SHANK2: variants seen among roughly 807,000 people sequenced by gnomAD.
The protein encoded by SHANK2 is SH3 and multiple ankyrin repeat domains 2.
A neutral mutation model predicts 133.7 loss-of-function variants in SHANK2; 43 were observed. The observed-to-expected ratio is 0.32, with a 90% CI of 0.25 to 0.41. SHANK2 has a LOEUF of 0.41. SHANK2 is among the 10% of genes least tolerant of loss of function. The pLI, the probability that SHANK2 is intolerant of heterozygous loss-of-function variation, is 1.00. For synonymous variants in SHANK2, 1,017 were observed against 952.8 expected (o/e 1.07, Z -1.24); for missense variants, 1,994 against 2,235.8 (o/e 0.89, Z 2.18).
At chr11:70,854,184 C>T (rs1253062178) in intron 11 of SHANK2, among the ~76,000 whole-genome samples, 4 of 152,204 alleles carry the variant, frequency 2.6e-5, no homozygotes, top group South Asian at 2.1e-4. Context: ...ACGAAGACCA[C>T]ATATTACCTC....
chr11:70,787,633 C>A (rs1947699727), intron 14 of SHANK2, among the ~76,000 whole-genome samples: 1 of 152,016 alleles, frequency 6.6e-6, no homozygotes, highest in Non-Finnish European at 1.5e-5. Flanking sequence ...CCACGATCAT[C>A]ACCATGACCG....
intron 17 of SHANK2, among the ~76,000 whole-genome samples, chr11:70,513,405 C>G (rs1554969565): frequency 6.6e-6 from 1 of 151,992 alleles, no homozygotes; most frequent in South Asian, 2.1e-4. Flanking sequence ...GAAATTTGAG[C>G]TGCTGCCACT....
intron 8 of SHANK2, among the ~76,000 whole-genome samples, chr11:71,076,902 TC>T (rs1951227838): frequency 6.6e-6 from 1 of 152,134 alleles, no homozygotes; most frequent in South Asian, 2.1e-4. Flanking sequence ...CTTTCCTTCT[TC>T]CAGAGTGGGG....
At chr11:70,754,597 TG>T (rs1451944247) in intron 14 of SHANK2, among the ~76,000 whole-genome samples, 1 of 152,206 alleles carries the variant, frequency 6.6e-6, no homozygotes. Flanking sequence ...GAGCCCAGCC[TG>T]GAACTTGTGG....
chr11:71,230,680 A>T (rs184883286), intron 1 of SHANK2, among the ~76,000 whole-genome samples: 1 of 152,342 alleles, frequency 6.6e-6, no homozygotes, highest in East Asian at 1.9e-4. Context: ...AAGATTTATT[A>T]TACAGTATAG....
intron 11 of SHANK2, among the ~76,000 whole-genome samples, chr11:70,846,068 C>T (rs1169495039): frequency 1.3e-5 from 2 of 152,060 alleles, no homozygotes; most frequent in East Asian, 1.9e-4. Flanking sequence ...CCTGGGAAAG[C>T]GGAAGGGCAG....
intron 11 of SHANK2, among the ~76,000 whole-genome samples, chr11:70,829,403 A>T (rs1390858464): frequency 6.6e-6 from 1 of 152,118 alleles, no homozygotes; most frequent in African/African-American, 2.4e-5. Flanking sequence ...CAGGGGTTCC[A>T]TGAACCCTGG....
intron 17 of SHANK2, among the ~76,000 whole-genome samples, chr11:70,512,913 T>C (rs1554969497): frequency 1.3e-5 from 2 of 152,214 alleles, no homozygotes; most frequent in Admixed American, 6.5e-5. Context: ...GTACACTTAA[T>C]TGGTAGTTTG....
intron 11 of SHANK2, among the ~76,000 whole-genome samples, chr11:70,859,892 A>G (rs782408687): frequency 2.0e-5 from 3 of 152,064 alleles, no homozygotes; most frequent in Non-Finnish European, 4.4e-5. Context: ...CTCCAGGGAC[A>G]GTCAGAAACC....
chr11:71,198,077 A>C (rs1260431709), intron 2 of SHANK2, among the ~76,000 whole-genome samples: 2 of 152,192 alleles, frequency 1.3e-5, no homozygotes, highest in Admixed American at 1.3e-4. Flanking sequence ...CCAGCCTTCA[A>C]GGACAGCGGC....
chr11:71,076,740 G>T (rs1215993013), intron 8 of SHANK2, among the ~76,000 whole-genome samples: 1 of 152,052 alleles, frequency 6.6e-6, no homozygotes, highest in South Asian at 2.1e-4. Context: ...TCCAGGGAAG[G>T]CCTCCCCACC....
At chr11:70,586,955 C>T (rs966122597) in intron 17 of SHANK2, among the ~76,000 whole-genome samples, 10 of 152,198 alleles carry the variant, frequency 6.6e-5, no homozygotes, top group African/African-American at 2.4e-4. Context: ...GAGACGACCT[C>T]AAACGTCACT....
At chr11:71,250,457 G>A (rs1555125653) in intron 1 of SHANK2, among the ~76,000 whole-genome samples, 3 of 152,124 alleles carry the variant, frequency 2.0e-5, no homozygotes, top group African/African-American at 4.8e-5. Context: ...GTGACATCCG[G>A]CATAGAAACC....
rs2058611538 is a variant in SHANK2 at position 70,472,733 on chromosome 11, A to G, written c.*136T>C. ...AGCCATGTTGTGGACACAACTCAGT[A>G]TTTCTTTGGGTACCAGGAGACAAAC... On this transcript the variant is annotated 3_prime_UTR_variant, in exon 26 of 26. Transcript: ENST00000601538. This position sits in a 1 kb window ranked among gnomAD's most constrained non-coding sequence, Gnocchi z 4.4. The G allele has an allele frequency of 4.5e-6, 4 of 882,874 alleles. No individual in the cohort carries two copies. The allele number at this position is 882,874 out of a possible 1,614,324, so 54.7% of individuals were successfully genotyped here.
In SHANK2 at chr11:71,149,752, G is replaced by C. The variant is rs555957180; in HGVS notation, c.-12-2414C>G. ...GCAAGAGGGAGGAAGGAAGGGAGGAGGGGAGGGAAGGAGGTAGATGGATGG... is the reference window on the plus strand; with the variant it reads ...GCAAGAGGGAGGAAGGAAGGGAGGACGGGAGGGAAGGAGGTAGATGGATGG... On this transcript the variant is annotated intron_variant, in intron 2 of 25. Transcript: ENST00000601538. Among the ~76,000 whole-genome samples the C allele has an allele frequency of 3.8e-3, 472 of 125,696 alleles. 2 individuals carry two copies. Among genetic ancestry groups the C allele is most frequent in the African/African-American group, 0.016 (442 of 27,090 alleles). The allele number at this position is 125,696 out of a possible 152,430, so 82.5% of individuals were successfully genotyped here.
chr11:70,787,524 C>T (rs782322171), intron 14 of SHANK2, among the ~76,000 whole-genome samples: 21 of 88,930 alleles, frequency 2.4e-4, no homozygotes, highest in Non-Finnish European at 5.3e-4. Flanking sequence ...ACCAAGACCA[C>T]CACCACCAGC....
chr11:70,723,751 T>C (rs1946116901), intron 14 of SHANK2, among the ~76,000 whole-genome samples: 1 of 152,154 alleles, frequency 6.6e-6, no homozygotes. Context: ...CACTATAAAA[T>C]ACTCTATGGG....
intron 15 of SHANK2, chr11:70,698,317 C>T (rs1217977563): frequency 7.2e-6 from 2 of 276,826 alleles, no homozygotes; most frequent in Non-Finnish European, 1.4e-5. Flanking sequence ...AAGGCAGAAA[C>T]CCAGACCTGA....
chr11:70,853,524 C>T (rs1555066267), intron 11 of SHANK2, among the ~76,000 whole-genome samples: 1 of 152,168 alleles, frequency 6.6e-6, no homozygotes, highest in Admixed American at 6.5e-5. Flanking sequence ...GGATGCCTCT[C>T]AGCAGGCAGG....
Sources: gnomAD v4.1 joint callset for allele counts (sites outside exome capture counted in the v4.1 genomes callset) on GRCh38, gnomAD v4.1.1 for gene constraint, Gnocchi (gnomAD v3.1) non-coding constraint, MANE v1.5 for transcripts, NCBI Gene and HGNC (gene_info 2026-07-23, HGNC 2026-07-21) for gene names.